The following UACA variants were observed in gnomAD, a reference collection of about 807,000 sequenced individuals.
The protein encoded by UACA is nuclear membrane binding protein.
UACA carries 112 observed loss-of-function variants against 160.5 expected under a neutral mutation model. The ratio of observed to expected loss-of-function variants is 0.70; its 90% CI spans 0.60 to 0.82. The LOEUF is 0.82. UACA is among the 40% of genes least tolerant of loss of function. The pLI, the probability that UACA is intolerant of heterozygous loss-of-function variation, is 0.00. For synonymous variants in UACA, 557 were observed against 568.4 expected (o/e 0.98, Z 0.29); for missense variants, 1,574 against 1,614.6 (o/e 0.97, Z 0.43).
Position 70,667,299 on chromosome 15 carries a change from C to A in UACA, c.3385G>T (p.Glu1129Ter). The change falls in exon 16 of 19, where the codon GAA becomes TAA. Residue 1129 changes from glutamate (E) to a stop codon, truncating the protein, a stop_gained. Coordinates refer to ENST00000322954, the MANE Select transcript of UACA (RefSeq NM_018003.4). LOFTEE classifies it high-confidence loss of function. ...CTCTTCAGTTCTTCCTTTAGATTTT[C>A]AATTGTGCCATTAAGAGATTTTTTC... The part of the protein sequence containing the change: ...ALKKSLNGTI[E>*]NLKEELKSMQ... 1 of 1,611,264 alleles carries A rather than the reference C, an allele frequency of 6.2e-7. No individual in the cohort carries two copies. The highest frequency in any genetic ancestry group is 8.5e-7 in the Non-Finnish European group (1 of 1,179,384).
rs532069044 is a variant in UACA, at chr15:70,727,202, G to T, written c.79-27542C>A. Among the ~76,000 whole-genome samples, 6 of 152,212 alleles carry T rather than the reference G, an allele frequency of 3.9e-5. No homozygotes were observed. In the East Asian group the frequency reaches 1.2e-3, roughly 29 times the overall value. Reference sequence around the variant, plus strand: ...AAAAGATCCAACAGTATAAAGAAGGGTATATAAAAAGGAAAACCTCCTTCC... The same window carrying T: ...AAAAGATCCAACAGTATAAAGAAGGTTATATAAAAAGGAAAACCTCCTTCC... On this transcript the variant is annotated intron_variant, in intron 1 of 18. Coordinates refer to ENST00000322954, the MANE Select transcript of UACA (RefSeq NM_018003.4).
chr15:70,712,225 G>A (rs1013244528), intron 1 of UACA, among the ~76,000 whole-genome samples: 1 of 151,860 alleles, frequency 6.6e-6, no homozygotes, highest in Non-Finnish European at 1.5e-5. Context: ...GTTGTGTGTA[G>A]ACAGAAACCT....
chr15:70,741,951 T>C (rs2161799), intron 1 of UACA, among the ~76,000 whole-genome samples: 131,295 of 152,176 alleles, frequency 0.86, 56,919 homozygotes, highest in Admixed American at 0.91. Flanking sequence ...CACAAACACA[T>C]CACCACACCC....
chr15:70,769,165 T>G, the UACA span, among the ~76,000 whole-genome samples: 1 of 151,914 alleles, frequency 6.6e-6, no homozygotes, highest in Non-Finnish European at 1.5e-5. Flanking sequence ...AAGACCATCC[T>G]GGCTAACACG....
chr15:70,766,158 G>A (rs1314309856), upstream of UACA, among the ~76,000 whole-genome samples: 1 of 152,216 alleles, frequency 6.6e-6, no homozygotes, highest in Non-Finnish European at 1.5e-5. Flanking sequence ...TTCCAGCCTA[G>A]AAACTTGATA....
At chr15:70,763,975 G>C (rs2030936055), upstream of UACA, among the ~76,000 whole-genome samples, 1 of 152,232 alleles carries the variant, frequency 6.6e-6, no homozygotes, top group African/African-American at 2.4e-5. Flanking sequence ...GCTTTCAGGA[G>C]CAACTTCTTT....
intron 1 of UACA, among the ~76,000 whole-genome samples, chr15:70,716,446 T>C (rs1898823967): frequency 6.6e-6 from 1 of 152,174 alleles, no homozygotes; most frequent in African/African-American, 2.4e-5. Context: ...CATCAGCAAA[T>C]AAAATAGTTG....
chr15:70,769,359 A>AT, the UACA span, among the ~76,000 whole-genome samples: 3 of 150,870 alleles, frequency 2.0e-5, no homozygotes, highest in South Asian at 4.2e-4. Context: ...AAAAAAAAAA[A>AT]AGATAAATCT....
chr15:70,675,446 C>A (rs1196971275), intron 13 of UACA, among the ~76,000 whole-genome samples: 1 of 152,182 alleles, frequency 6.6e-6, no homozygotes, highest in Non-Finnish European at 1.5e-5. Context: ...CATATGCATA[C>A]CTTTTGTAAT....
At chr15:70,676,457 T>C (rs751870859) in intron 13 of UACA, 36 bp downstream of exon 13, 13 of 1,391,472 alleles carry the variant, frequency 9.3e-6, no homozygotes, top group Admixed American at 1.7e-5. Flanking sequence ...CCATTACCCA[T>C]TATGAATTAC....
chr15:70,707,690 A>T (rs188236925), intron 1 of UACA, among the ~76,000 whole-genome samples: 1 of 152,284 alleles, frequency 6.6e-6, no homozygotes, highest in Non-Finnish European at 1.5e-5. Context: ...TAATCATTAA[A>T]AAAAAAGCAA....
intron 1 of UACA, 65 bp downstream of exon 1, chr15:70,763,265 C>A: frequency 7.7e-7 from 1 of 1,290,840 alleles, no homozygotes; most frequent in Non-Finnish European, 9.9e-7. Context: ...CGCGAACTCG[C>A]CAGCAAAGGA....
chr15:70,759,176 C>T (rs2030600765), intron 1 of UACA, among the ~76,000 whole-genome samples: 2 of 152,204 alleles, frequency 1.3e-5, no homozygotes, highest in Non-Finnish European at 2.9e-5. Context: ...TGCAGCACTT[C>T]TACTACTTCT....
Position 70,668,699 on chromosome 15 carries a change from C to G in UACA, c.1985G>C (p.Ser662Thr), listed in dbSNP as rs1223599749. The change falls in exon 16 of 19, where the codon AGT becomes ACT. Residue 662 changes from serine (S) to threonine (T), a missense_variant. Coordinates refer to ENST00000322954, the MANE Select transcript of UACA (RefSeq NM_018003.4). ...EMEREHEKSL[S>T]EIRQLKRELE... ...TTCTCTCTTTAACTGTCTAATTTCA[C>G]TAAGTGATTTTTCATGTTCTCTTTC... 6.2e-7 allele frequency: 1 copy of G among 1,613,946 alleles called. No individual in the cohort carries two copies. The highest frequency in any genetic ancestry group is 1.7e-5 in the Admixed American group (1 of 59,970).
intron 18 of UACA, among the ~76,000 whole-genome samples, chr15:70,657,648 A>G (rs1896527922): frequency 6.6e-6 from 1 of 152,100 alleles, no homozygotes; most frequent in South Asian, 2.1e-4. Context: ...TTACCAGAAA[A>G]CAAATGGATA....
intron 1 of UACA, among the ~76,000 whole-genome samples, chr15:70,755,606 G>A (rs1414461203): frequency 6.6e-6 from 1 of 151,860 alleles, no homozygotes; most frequent in Admixed American, 6.6e-5. Context: ...AGAGGCAGAG[G>A]TTGCAGTGGG....
rs57543862 is a variant in UACA, at chr15:70,712,051, CATATAT to C, written c.79-12397_79-12392del. Among the ~76,000 whole-genome samples the C allele has an allele frequency of 3.8e-5, 5 of 131,990 alleles. 1 individual carries two copies. The highest frequency in any genetic ancestry group is 1.2e-4 in the African/African-American group (4 of 32,612). 86.6% of individuals were successfully genotyped at this position (131,990 alleles called of 152,430 possible). ...AACCCAGGCTCCTCTAAGCTCCAGG[CATATAT>C]ATATATATATCTCCATATACCTTCT... On this transcript the variant is annotated intron_variant, in intron 1 of 18. Transcript: ENST00000322954.
At chr15:70,702,738 T>C (rs1251050390) in intron 1 of UACA, among the ~76,000 whole-genome samples, 2 of 152,236 alleles carry the variant, frequency 1.3e-5, no homozygotes, top group African/African-American at 4.8e-5. Context: ...CTCCATTTTA[T>C]TTTGTACCCC....
chr15:70,739,585 C>T (rs971731733), intron 1 of UACA, among the ~76,000 whole-genome samples: 3 of 152,066 alleles, frequency 2.0e-5, no homozygotes, highest in African/African-American at 4.8e-5. Flanking sequence ...TATTTACAGG[C>T]ATGTATGATA....
Sources: gnomAD v4.1 joint callset for allele counts (sites outside exome capture counted in the v4.1 genomes callset) on GRCh38, gnomAD v4.1.1 for gene constraint, MANE v1.5 for transcripts, NCBI Gene and HGNC (gene_info 2026-07-23, HGNC 2026-07-21) for gene names.